ZIC1: variants seen among roughly 807,000 people sequenced by gnomAD.
ZIC1 encodes the protein Zic family zinc finger 1.
ZIC1 carries 4 observed loss-of-function variants against 30.9 expected under a neutral mutation model. That is an observed-to-expected ratio of 0.13 (90% CI 0.06 to 0.30). The LOEUF (loss-of-function observed/expected upper bound fraction) is 0.30. Ranked by LOEUF, ZIC1 falls within the 10% of genes least tolerant of loss-of-function variation. The pLI is 1.00. For missense variants in ZIC1, 441 were observed against 639.3 expected (o/e 0.69, Z 3.34); for synonymous variants, 305 against 277.5 (o/e 1.10, Z -0.98).
Position 147,413,478 on chromosome 3 carries a change from C to T in ZIC1, c.1271C>T (p.Pro424Leu), listed in dbSNP as rs1358756587. 1 of 1,614,000 alleles carries T rather than the reference C, an allele frequency of 6.2e-7. No individual in the cohort carries two copies. Among genetic ancestry groups the T allele is most frequent in the Non-Finnish European group, 8.5e-7 (1 of 1,180,050 alleles). ...AACCCGACCACAAGCTCCTTATCGC[C>T]CTCCTCCTCCGCAGTCCACCACACA... is the stretch of plus-strand genomic sequence containing the variant. ...TDNPTTSSLS[P>L]SSSAVHHTAG... Residue 424 changes from proline (P) to leucine (L), a missense_variant, in exon 3 of 3, where the codon CCC becomes CTC. Physicochemically the swap from Pro to Leu is moderately conservative, Grantham distance 98. Around this residue, in one of 5 missense-constraint regions of ZIC1, gnomAD observed 56 missense variants for 52.5 expected, o/e 1.07. Transcript: ENST00000282928.
rs2087423594 is a variant in ZIC1, at chr3:147,415,216, C to T, written c.*1665C>T. 1.3e-5 allele frequency: 2 copies of T among 152,628 alleles called. No homozygotes were observed. Among genetic ancestry groups the T allele is most frequent in the Admixed American group, 1.3e-4 (2 of 15,274 alleles). 9.5% of individuals were successfully genotyped at this position (152,628 alleles called of 1,614,324 possible). Reference sequence around the variant, plus strand: ...GTTATTAGTTCTCTCAAAAATACATCTAGGGAAGAGGATTATTTTAAGTAA... The same window carrying T: ...GTTATTAGTTCTCTCAAAAATACATTTAGGGAAGAGGATTATTTTAAGTAA... On this transcript the variant is annotated 3_prime_UTR_variant, in exon 3 of 3. Transcript: ENST00000282928.
At chr3:147,413,214 A>G (rs1438375631) in intron 2 of ZIC1, 140 bp from the exon 3 acceptor site, 1 of 889,006 alleles carries the variant, frequency 1.1e-6, no homozygotes, top group Non-Finnish European at 1.7e-6. Context: ...AACCAAGCCC[A>G]AAGTCCCGCT....
rs1377620729 is a variant in ZIC1, at chr3:147,412,615, G to A, written c.1080G>A (p.Lys360=). Residue 360 remains lysine, a synonymous_variant, in exon 2 of 3, where the codon AAG becomes AAA. Transcript: ENST00000282928. The part of the protein sequence containing the change: ...KKHMHVHTSD[K]PYLCKMCDKS... ...ACATGCACGTGCACACGAGCGACAA[G>A]CCCTATCTTTGCAAGATGTGCGACA... 4 of 1,614,100 alleles carry A rather than the reference G, an allele frequency of 2.5e-6. No individual in the cohort carries two copies. The highest frequency in any genetic ancestry group is 3.4e-6 in the Non-Finnish European group (4 of 1,180,054).
At chr3:147,411,527 CT>C (rs2087378558) in intron 1 of ZIC1, among the ~76,000 whole-genome samples, 1 of 152,134 alleles carries the variant, frequency 6.6e-6, no homozygotes, top group Non-Finnish European at 1.5e-5. Flanking sequence ...AAGGAAAGAG[CT>C]GAGGAAATTG....
chr3:147,413,507 G>A lies in ZIC1; in HGVS notation c.1300G>A (p.Gly434Ser), dbSNP rs1576470821. ...PSSSAVHHTA[G>S]HSALSSNFNE... ...CTCCTCCGCAGTCCACCACACAGCC[G>A]GCCACAGTGCGCTCTCTTCCAATTT... is the stretch of plus-strand genomic sequence containing the variant. Residue 434 changes from glycine to serine, a missense_variant, in exon 3 of 3, where the codon GGC (glycine) becomes AGC (serine). Gly to Ser is a moderately conservative substitution (Grantham distance 56, BLOSUM62 0). Coordinates refer to ENST00000282928, the MANE Select transcript of ZIC1 (RefSeq NM_003412.4). The A allele has an allele frequency of 6.2e-7, 1 of 1,614,044 alleles. No homozygotes were observed. Among genetic ancestry groups the A allele is most frequent in the South Asian group, 1.1e-5 (1 of 91,082 alleles).
In ZIC1 at chr3:147,414,832, G is replaced by T. The variant is rs1159572070; in HGVS notation, c.*1281G>T. 1 of 152,556 alleles carries T rather than the reference G, an allele frequency of 6.6e-6. No homozygotes were observed. The highest frequency in any genetic ancestry group is 2.4e-5 in the African/African-American group (1 of 41,418). 9.5% of individuals were successfully genotyped at this position (152,556 alleles called of 1,614,324 possible). The stretch of plus-strand genomic sequence containing the variant: ...TAGAATAACAACCATAAAAATAACA[G>T]GAATAGATTGCACAGGCGACATCAA... On this transcript the variant is annotated 3_prime_UTR_variant, in exon 3 of 3. Transcript: ENST00000282928.
In ZIC1 at chr3:147,410,070, T is replaced by TGG; in HGVS notation, c.-36_-35dup. The stretch of plus-strand genomic sequence containing the variant: ...ATTTTCCCTCCTCGGCTGGCGAGGG[T>TGG]GGGGGGGGCGGGGGAGGCCGGGGCT... On this transcript the variant is annotated 5_prime_UTR_variant, in exon 1 of 3. Coordinates refer to ENST00000282928, the MANE Select transcript of ZIC1 (RefSeq NM_003412.4). 2 of 836,566 alleles carry TGG rather than the reference T, an allele frequency of 2.4e-6. No homozygotes were observed. The highest frequency in any genetic ancestry group is 3.0e-6 in the Non-Finnish European group (2 of 669,476). 51.8% of individuals were successfully genotyped at this position (836,566 alleles called of 1,614,324 possible). A position where few individuals can be genotyped will look rare whatever the true frequency, so the allele number is the denominator to read the frequency against.
At chr3:147,411,612 A>G (rs1351596965) in intron 1 of ZIC1, among the ~76,000 whole-genome samples, 3 of 152,190 alleles carry the variant, frequency 2.0e-5, no homozygotes, top group Non-Finnish European at 4.4e-5. Flanking sequence ...GGGAAAGGAA[A>G]TAATTTGGGA....
At position 147,413,648 on chromosome 3, in the gene ZIC1, C is replaced by A; in HGVS notation, c.*97C>A. The A allele has an allele frequency of 1.5e-6, 2 of 1,354,956 alleles. No individual in the cohort carries two copies. Among genetic ancestry groups the A allele is most frequent in the Non-Finnish European group, 2.0e-6 (2 of 1,002,454 alleles). The allele number at this position is 1,354,956 out of a possible 1,614,324, so 83.9% of individuals were successfully genotyped here. The stretch of plus-strand genomic sequence containing the variant: ...AAGAACCCTGCGAATCAAAACAACC[C>A]CCACACAGACCCCGCAATCCTTTTT... On this transcript the variant is annotated 3_prime_UTR_variant, in exon 3 of 3. Transcript: ENST00000282928.
chr3:147,412,337 G>T (rs919967140), intron 1 of ZIC1, among the ~76,000 whole-genome samples, 181 bp from the exon 2 acceptor site: 2 of 152,196 alleles, frequency 1.3e-5, no homozygotes, highest in African/African-American at 4.8e-5. Context: ...ATAGAGTTAA[G>T]ATATTTATAA....
At position 147,413,603 on chromosome 3, in the gene ZIC1, C is replaced by G. The variant is rs760011347; in HGVS notation, c.*52C>G. On this transcript the variant is annotated 3_prime_UTR_variant, in exon 3 of 3. Coordinates refer to ENST00000282928, the MANE Select transcript of ZIC1 (RefSeq NM_003412.4). ...CCCTATTTAAGAGACTGATCACACA[C>G]GTATACACAACATTACTGAAAGAAC... 6 of 1,586,650 alleles carry G rather than the reference C, an allele frequency of 3.8e-6. No homozygotes were observed. The highest frequency in any genetic ancestry group is 5.2e-6 in the Non-Finnish European group (6 of 1,160,910).
rs2087355365 is a variant in ZIC1 at position 147,410,224 on chromosome 3, A to C, written c.112A>C (p.Asn38His). The C allele has an allele frequency of 2.5e-6, 4 of 1,601,636 alleles. No homozygotes were observed. The highest frequency in any genetic ancestry group is 3.4e-6 in the Non-Finnish European group (4 of 1,179,674). ...VAERDVGLGI[N>H]PFADGMGAFK... is the part of the protein sequence containing the mutation. ...CGAACGAGACGTGGGCCTGGGCATCAACCCGTTCGCCGACGGCATGGGCGC... is the reference window on the plus strand; with the variant it reads ...CGAACGAGACGTGGGCCTGGGCATCCACCCGTTCGCCGACGGCATGGGCGC... Residue 38 changes from asparagine to histidine, a missense_variant, in exon 1 of 3, where the codon AAC (asparagine) becomes CAC (histidine). Physicochemically the swap from Asn to His is moderately conservative, Grantham distance 68. Around this residue, in one of 5 missense-constraint regions of ZIC1, gnomAD observed 307 missense variants for 355.3 expected, o/e 0.86. Transcript: ENST00000282928.
Position 147,410,565 on chromosome 3 carries a change from C to G in ZIC1, c.453C>G (p.Ala151=), listed in dbSNP as rs151126720. ...TCCCCGGGCTTCACGAGCAGGCTGC[C>G]GGCCACGCGTCGCCTAACGTGGTCA... ...LLFPGLHEQA[A]GHASPNVVNG... Residue 151 remains alanine, a synonymous_variant, in exon 1 of 3, where the codon GCC becomes GCG. Transcript: ENST00000282928. 9.9e-4 allele frequency: 1,589 copies of G among 1,611,586 alleles called. 9 individuals carry two copies. The highest frequency in any genetic ancestry group is 4.8e-3 in the Middle Eastern group (29 of 6,032).
chr3:147,411,235 C>A (rs2087374145), intron 1 of ZIC1, 141 bp downstream of exon 1: 3 of 1,203,336 alleles, frequency 2.5e-6, no homozygotes, highest in Non-Finnish European at 3.4e-6. Context: ...GGAAAGTGTG[C>A]GCTGATTTTT....
chr3:147,413,447 A>T lies in ZIC1; in HGVS notation c.1240A>T (p.Thr414Ser). The T allele has an allele frequency of 6.2e-7, 1 of 1,614,024 alleles. No individual in the cohort carries two copies. The highest frequency in any genetic ancestry group is 8.5e-7 in the Non-Finnish European group (1 of 1,180,016). ...GCCTCCCACCATCGTGTCTCCCTCCACAGACAACCCGACCACAAGCTCCTT... is the reference window on the plus strand; with the variant it reads ...GCCTCCCACCATCGTGTCTCCCTCCTCAGACAACCCGACCACAAGCTCCTT... ...STPPTIVSPS[T>S]DNPTTSSLSP... is the part of the protein sequence containing the mutation. The change falls in exon 3 of 3, where the codon ACA becomes TCA. Residue 414 changes from threonine to serine, a missense_variant. By Grantham distance (58) the Thr-to-Ser change is moderately conservative. Around this residue, in one of 5 missense-constraint regions of ZIC1, gnomAD observed 56 missense variants for 52.5 expected, o/e 1.07. Transcript: ENST00000282928.
chr3:147,414,551 T>G lies in ZIC1; in HGVS notation c.*1000T>G, dbSNP rs919259264. The G allele has an allele frequency of 6.6e-6, 1 of 152,618 alleles. No homozygotes were observed. Among genetic ancestry groups the G allele is most frequent in the Non-Finnish European group, 1.5e-5 (1 of 68,032 alleles). 9.5% of individuals were successfully genotyped at this position (152,618 alleles called of 1,614,324 possible). A position where few individuals can be genotyped will look rare whatever the true frequency, so the allele number is the denominator to read the frequency against. On this transcript the variant is annotated 3_prime_UTR_variant, in exon 3 of 3. Coordinates refer to ENST00000282928, the MANE Select transcript of ZIC1 (RefSeq NM_003412.4). ...TAACCTTTCGTACCTTATTAAAGAT[T>G]CTTAAATCTCCGTGATTGTGGTAGG...
chr3:147,410,306 C>A lies in ZIC1; in HGVS notation c.194C>A (p.Thr65Lys). 2 of 1,599,740 alleles carry A rather than the reference C, an allele frequency of 1.3e-6. No individual in the cohort carries two copies. Among genetic ancestry groups the A allele is most frequent in the Non-Finnish European group, 1.7e-6 (2 of 1,179,210 alleles). Residue 65 changes from threonine to lysine, a missense_variant, in exon 1 of 3, where the codon ACG becomes AAG. Physicochemically the swap from Thr to Lys is moderately conservative, Grantham distance 78. Transcript: ENST00000282928. ...GCTTCGGCCGGCCAGACGGCCTTCACGTCGCAGGCGCCAGGCTACGCGGCT... is the reference window on the plus strand; with the variant it reads ...GCTTCGGCCGGCCAGACGGCCTTCAAGTCGCAGGCGCCAGGCTACGCGGCT... The part of the protein sequence containing the change: ...ELASAGQTAF[T>K]SQAPGYAAAA...
rs1244501271 is a variant in ZIC1 at position 147,415,971 on chromosome 3, AATGTT to A, written c.*2423_*2427del. ...GAGGGTGGTGTTTAACTTTTTAAAAAATGTTATTCTGATTATAACAATAATATTGG... is the reference window on the plus strand; with the variant it reads ...GAGGGTGGTGTTTAACTTTTTAAAAAATTCTGATTATAACAATAATATTGG... On this transcript the variant is annotated 3_prime_UTR_variant, in exon 3 of 3. Coordinates refer to ENST00000282928, the MANE Select transcript of ZIC1 (RefSeq NM_003412.4). The A allele has an allele frequency of 6.6e-6, 1 of 152,238 alleles. No individual in the cohort carries two copies. The highest frequency in any genetic ancestry group is 2.4e-5 in the African/African-American group (1 of 41,464). The allele number at this position is 152,238 out of a possible 1,614,324, so 9.4% of individuals were successfully genotyped here. A position where few individuals can be genotyped will look rare whatever the true frequency, so the allele number is the denominator to read the frequency against.
At chr3:147,412,883 T>A (rs2087394398) in intron 2 of ZIC1, among the ~76,000 whole-genome samples, 1 of 152,140 alleles carries the variant, frequency 6.6e-6, no homozygotes, top group South Asian at 2.1e-4. Context: ...GTTTTAAATT[T>A]TTGGTTTAAT....
Sources: gnomAD v4.1 joint callset for allele counts (sites outside exome capture counted in the v4.1 genomes callset) on GRCh38, gnomAD v4.1.1 for gene constraint, gnomAD v4.1.1 regional missense constraint, MANE v1.5 for transcripts, NCBI Gene and HGNC (gene_info 2026-07-23, HGNC 2026-07-21) for gene names.